The following MYH9 variants were observed in gnomAD, a reference collection of about 807,000 sequenced individuals.
MYH9 encodes myosin heavy chain 9.
A neutral mutation model predicts 241.9 loss-of-function variants in MYH9; 29 were observed. That is an observed-to-expected ratio of 0.12 (90% CI 0.09 to 0.16). The LOEUF (loss-of-function observed/expected upper bound fraction) is 0.16. Ranked by LOEUF, MYH9 falls within the 10% of genes least tolerant of loss-of-function variation. MYH9 has a pLI of 1.00. For missense variants in MYH9, 1,803 were observed against 2,595.5 expected, an observed-to-expected ratio of 0.69 and a Z score of 6.63; for synonymous variants, 1,047 against 1,062.6, an observed-to-expected ratio of 0.99 and a Z score of 0.29.
Position 36,282,347 on chromosome 22 carries a change from G to C in MYH9, c.*321C>G, listed in dbSNP as rs2016504123. The C allele has an allele frequency of 5.7e-6, 3 of 529,940 alleles. No individual in the cohort carries two copies. The South Asian group carries it at 6.4e-5, about 11-fold the overall frequency. The allele number at this position is 529,940 out of a possible 1,614,324, so 32.8% of individuals were successfully genotyped here. On this transcript the variant is annotated 3_prime_UTR_variant, in exon 41 of 41. Coordinates refer to ENST00000216181, the MANE Select transcript of MYH9 (RefSeq NM_002473.6). Reference sequence around the variant, plus strand: ...AACTCTGGCCCCTCCCCGGGGGCCTGCCCTGCTCGCCTCAACATCTTGTGC... The same window carrying C: ...AACTCTGGCCCCTCCCCGGGGGCCTCCCCTGCTCGCCTCAACATCTTGTGC...
intron 1 of MYH9, among the ~76,000 whole-genome samples, chr22:36,357,620 C>T (rs1005746322): frequency 1.3e-5 from 2 of 152,134 alleles, no homozygotes. Context: ...TGAAGGGGTT[C>T]GTGTGAACAA....
Sources: gnomAD v4.1 joint callset for allele counts (sites outside exome capture counted in the v4.1 genomes callset) on GRCh38, gnomAD v4.1.1 for gene constraint, MANE v1.5 for transcripts, NCBI Gene and HGNC (gene_info 2026-07-23, HGNC 2026-07-21) for gene names.